TM9SF2: variants seen among roughly 807,000 people sequenced by gnomAD.
TM9SF2 encodes 76 kDa membrane protein.
Under a neutral mutation model 84.9 loss-of-function variants are expected in TM9SF2, and 13 were observed. The observed-to-expected ratio is 0.15, with a 90% confidence interval of 0.10 to 0.24. The LOEUF is 0.24. TM9SF2 is among the 10% of genes least tolerant of loss of function. The pLI, the probability that TM9SF2 is intolerant of heterozygous loss-of-function variation, is 1.00. For missense variants in TM9SF2, 562 were observed against 818.5 expected (o/e 0.69, Z 3.82); for synonymous variants, 273 against 285.8 (o/e 0.96, Z 0.45).
In TM9SF2 at chr13:99,510,341, G is replaced by A. The variant is rs1465835185; in HGVS notation, c.172-7273G>A. Among the ~76,000 whole-genome samples, 4 of 152,218 alleles carry A rather than the reference G, an allele frequency of 2.6e-5. No individual in the cohort carries two copies. In the East Asian group the frequency reaches 7.7e-4, roughly 29 times the overall value. On this transcript the variant is annotated intron_variant, in intron 1 of 16. Transcript: ENST00000376387. ...TCCAAAACCAGTTCCACATTTTCAG[G>A]TATCTTTATAACAACACCCCATCCT...
At chr13:99,553,268 C>A (rs1471182050) in intron 13 of TM9SF2, among the ~76,000 whole-genome samples, 1 of 152,206 alleles carries the variant, frequency 6.6e-6, no homozygotes, top group Non-Finnish European at 1.5e-5. Flanking sequence ...GAGCAGGACC[C>A]GGAAGGCCCT....
At chr13:99,508,455 C>G (rs1220582309) in intron 1 of TM9SF2, among the ~76,000 whole-genome samples, 1 of 139,672 alleles carries the variant, frequency 7.2e-6, no homozygotes, top group Non-Finnish European at 1.5e-5. Context: ...CCCAGAGATT[C>G]AGTAGCTACT....
chr13:99,504,056 CTG>C (rs1421877914), intron 1 of TM9SF2, among the ~76,000 whole-genome samples: 1 of 152,158 alleles, frequency 6.6e-6, no homozygotes, highest in East Asian at 1.9e-4. Context: ...ATATGACTAA[CTG>C]GTGTAGAGAA....
chr13:99,513,018 A>G (rs1555339454), intron 1 of TM9SF2, among the ~76,000 whole-genome samples: 1 of 152,240 alleles, frequency 6.6e-6, no homozygotes, highest in Non-Finnish European at 1.5e-5. Flanking sequence ...AGACAGCAAA[A>G]AGTAAATTAA....
At chr13:99,509,427 G>A (rs2046103719) in intron 1 of TM9SF2, among the ~76,000 whole-genome samples, 1 of 152,152 alleles carries the variant, frequency 6.6e-6, no homozygotes, top group East Asian at 1.9e-4. Flanking sequence ...CTTCTACCTG[G>A]GCACCCAGGT....
chr13:99,560,363 T>C (rs2139115616), intron 16 of TM9SF2, among the ~76,000 whole-genome samples: 1 of 152,358 alleles, frequency 6.6e-6, no homozygotes, highest in South Asian at 2.1e-4. Context: ...TGCTGCTGTC[T>C]CAGGCTTAAG....
Position 99,543,855 on chromosome 13 carries a change from C to T in TM9SF2, c.1018-8C>T. On this transcript the variant is annotated splice_region_variant and splice_polypyrimidine_tract_variant and intron_variant, in intron 9 of 16. Coordinates refer to ENST00000376387, the MANE Select transcript of TM9SF2 (RefSeq NM_004800.3). ...GAGACAATCGAACTGATTTCATTCC[C>T]CTTTTAGGAAGATGCCCAGGAAGAA... 6.2e-7 allele frequency: 1 copy of T among 1,613,422 alleles called. No individual in the cohort carries two copies. The highest frequency in any genetic ancestry group is 1.3e-5 in the African/African-American group (1 of 75,010).
intron 12 of TM9SF2, among the ~76,000 whole-genome samples, 184 bp downstream of exon 12, chr13:99,549,406 A>C (rs1288147976): frequency 6.6e-6 from 1 of 152,156 alleles, no homozygotes; most frequent in African/African-American, 2.4e-5. Flanking sequence ...CACATGTCTT[A>C]TCTGGGGAAA....
intron 13 of TM9SF2, among the ~76,000 whole-genome samples, chr13:99,553,189 G>A (rs1257185656): frequency 6.6e-6 from 1 of 152,160 alleles, no homozygotes; most frequent in Non-Finnish European, 1.5e-5. Context: ...CCGCACTTCA[G>A]TATCCCTGTC....
intron 11 of TM9SF2, 149 bp from the exon 12 acceptor site, chr13:99,549,016 G>A: frequency 1.7e-6 from 1 of 586,428 alleles, no homozygotes. Context: ...TTTAATAAAG[G>A]AATATCATAT....
At chr13:99,510,663 G>C (rs1394689637) in intron 1 of TM9SF2, among the ~76,000 whole-genome samples, 1 of 152,194 alleles carries the variant, frequency 6.6e-6, no homozygotes, top group African/African-American at 2.4e-5. Flanking sequence ...ACAGCACCAA[G>C]AGAGATGGTG....
chr13:99,541,991 A>G (rs1016514588), intron 9 of TM9SF2, among the ~76,000 whole-genome samples: 2 of 152,106 alleles, frequency 1.3e-5, no homozygotes, highest in Admixed American at 6.6e-5. Flanking sequence ...CTCTCCTAAA[A>G]ACACAAAAAT....
At chr13:99,532,209 G>GC (rs1244683027) in intron 4 of TM9SF2, among the ~76,000 whole-genome samples, 8 of 151,446 alleles carry the variant, frequency 5.3e-5, no homozygotes, top group African/African-American at 1.7e-4. Context: ...CCGCCACCAT[G>GC]CCGGCTAATT....
intron 3 of TM9SF2, among the ~76,000 whole-genome samples, chr13:99,520,530 A>T (rs146717838): frequency 1.4e-3 from 207 of 152,046 alleles, no homozygotes; most frequent in Non-Finnish European, 1.8e-3. Flanking sequence ...AGCACGTACA[A>T]TGCTGCCTGG....
intron 11 of TM9SF2, 45 bp downstream of exon 11, chr13:99,547,149 C>G: frequency 6.2e-7 from 1 of 1,605,052 alleles, no homozygotes; most frequent in Non-Finnish European, 8.5e-7. Flanking sequence ...GGAAGGGACT[C>G]TGCTGCGGCT....
At chr13:99,519,103 A>G (rs936477742) in intron 2 of TM9SF2, among the ~76,000 whole-genome samples, 2 of 152,222 alleles carry the variant, frequency 1.3e-5, no homozygotes, top group Non-Finnish European at 2.9e-5. Flanking sequence ...TAAAGAATTC[A>G]TATATCTAAG....
In TM9SF2 at chr13:99,533,358, A is replaced by G. The variant is rs80333291; in HGVS notation, c.462-3250A>G. On this transcript the variant is annotated intron_variant, in intron 4 of 16. Transcript: ENST00000376387. ...TCTCATGTGTGTTTCTATATTTACTATGCATATGGAGGTATAGAAAAGGGT... is the reference window on the plus strand; with the variant it reads ...TCTCATGTGTGTTTCTATATTTACTGTGCATATGGAGGTATAGAAAAGGGT... Among the ~76,000 whole-genome samples the G allele has an allele frequency of 6.6e-4, 101 of 152,320 alleles. 1 individual carries two copies. In the East Asian group the frequency reaches 0.018, roughly 27 times the overall value.
In TM9SF2 at chr13:99,532,514, AC is replaced by A. The variant is rs772407541; in HGVS notation, c.461+2924del. ...AGACCAGCCTGGCCAACATGGCGAA[AC>A]CCCATCTCTACTAAAAATACAAAAA... On this transcript the variant is annotated intron_variant, in intron 4 of 16. Coordinates refer to ENST00000376387, the MANE Select transcript of TM9SF2 (RefSeq NM_004800.3). Among the ~76,000 whole-genome samples the A allele has an allele frequency of 1.3e-3, 204 of 151,288 alleles. 1 individual carries two copies. Among genetic ancestry groups the A allele is most frequent in the Middle Eastern group, 0.01 (3 of 294 alleles).
intron 10 of TM9SF2, among the ~76,000 whole-genome samples, chr13:99,545,308 G>A (rs2046278122): frequency 6.6e-6 from 1 of 151,968 alleles, no homozygotes; most frequent in South Asian, 2.1e-4. Flanking sequence ...ACACCTTCAG[G>A]TTCAGTTTGA....
Sources: allele counts gnomAD v4.1 joint callset (sites outside exome capture counted in the v4.1 genomes callset), GRCh38; gene constraint gnomAD v4.1.1; transcripts MANE v1.5; gene names NCBI Gene and HGNC (gene_info 2026-07-23, HGNC 2026-07-21).